The following PLOD1 variants were observed in gnomAD, a reference collection of about 807,000 sequenced individuals.
PLOD1 encodes the protein procollagen-lysine,2-oxoglutarate 5-dioxygenase 1, also known as lysine hydroxylase.
A neutral mutation model predicts 94.7 loss-of-function variants in PLOD1; 70 were observed. The observed-to-expected ratio is 0.74, with a 90% CI of 0.61 to 0.90. PLOD1 has a LOEUF of 0.90. Ranked by LOEUF, PLOD1 falls within the 40% of genes least tolerant of loss-of-function variation. The pLI, the probability that PLOD1 is intolerant of heterozygous loss-of-function variation, is 0.00. For synonymous variants in PLOD1, 417 were observed against 400.2 expected (o/e 1.04, Z -0.50); for missense variants, 905 against 972.7 (o/e 0.93, Z 0.93).
At chr1:11,960,322 CAA>C (rs762870552) in intron 9 of PLOD1, among the ~76,000 whole-genome samples, 14 of 152,320 alleles carry the variant, frequency 9.2e-5, no homozygotes, top group Admixed American at 3.9e-4. Context: ...CATTTTGTAA[CAA>C]AGTGGATCTC....
intron 5 of PLOD1, chr1:11,954,375 A>G (rs1645723671): frequency 2.6e-6 from 1 of 383,250 alleles, no homozygotes; most frequent in African/African-American, 2.1e-5. Flanking sequence ...AGTCCCAGCT[A>G]CTCAGGAGTC....
intron 5 of PLOD1, chr1:11,954,350 G>A: frequency 3.1e-6 from 1 of 324,914 alleles, no homozygotes; most frequent in South Asian, 2.5e-5. Flanking sequence ...GCTGGGTATG[G>A]TGGCACATGC....
At chr1:11,959,205 C>CA (rs1027984272) in intron 9 of PLOD1, among the ~76,000 whole-genome samples, 7 of 149,644 alleles carry the variant, frequency 4.7e-5, no homozygotes, top group African/African-American at 9.8e-5. Flanking sequence ...AACTCCGTCT[C>CA]AAAAAAAATA....
intron 3 of PLOD1, 91 bp from the exon 4 acceptor site, chr1:11,950,266 A>G (rs1645689661): frequency 7.8e-7 from 1 of 1,277,274 alleles, no homozygotes; most frequent in South Asian, 1.2e-5. Flanking sequence ...CCATTTGTGG[A>G]GCACTTGATC....
At chr1:11,954,775 C>A in intron 5 of PLOD1, 55 bp from the exon 6 acceptor site, 1 of 1,333,292 alleles carries the variant, frequency 7.5e-7, no homozygotes, top group Non-Finnish European at 1.1e-6. Flanking sequence ...GAGATGTAGC[C>A]CCAGCCTCCC....
chr1:11,952,768 G>C lies in PLOD1; in HGVS notation c.579+33G>C. ...GCAGTGGGCGGGCCAAGGAGAGGGG[G>C]CTGGGGATCCACCGGCCAGGCTGCA... On this transcript the variant is annotated intron_variant, in intron 5 of 18. Transcript: ENST00000196061. The C allele has an allele frequency of 2.0e-6, 3 of 1,481,524 alleles. No individual in the cohort carries two copies. In the South Asian group the frequency reaches 3.4e-5, roughly 17 times the overall value. The allele number at this position is 1,481,524 out of a possible 1,614,324, so 91.8% of individuals were successfully genotyped here.
rs569417181 is a variant in PLOD1 at position 11,965,423 on chromosome 1, G to C, written c.1471-57G>C. 7.2e-4 allele frequency: 715 copies of C among 997,010 alleles called. 4 individuals carry two copies. The African/African-American group carries it at 9.7e-3, about 14-fold the overall frequency. 61.8% of individuals were successfully genotyped at this position (997,010 alleles called of 1,614,324 possible). A position where few individuals can be genotyped will look rare whatever the true frequency, so the allele number is the denominator to read the frequency against. Reference sequence around the variant, plus strand: ...CCCGTCTGGGAGCGTGCAGGGGAGGGGTGAGGGCAGGGGAGGGGTGGGGGA... The same window carrying C: ...CCCGTCTGGGAGCGTGCAGGGGAGGCGTGAGGGCAGGGGAGGGGTGGGGGA... On this transcript the variant is annotated intron_variant, in intron 13 of 18. Transcript: ENST00000196061.
rs372579008 is a variant in PLOD1 at position 11,970,732 on chromosome 1, C to T, written c.1818C>T (p.Ile606=). ...VPTIDIHMNQ[I]GFEREWHKFL... is the part of the protein sequence containing the mutation. ...CTATTGACATCCACATGAACCAGATCGGCTTTGAGCGGGAGTGGCACAAAT... is the reference window on the plus strand; with the variant it reads ...CTATTGACATCCACATGAACCAGATTGGCTTTGAGCGGGAGTGGCACAAAT... Residue 606 remains isoleucine (I), a synonymous_variant, in exon 17 of 19, where the codon ATC becomes ATT. Coordinates refer to ENST00000196061, the MANE Select transcript of PLOD1 (RefSeq NM_000302.4). 47 of 1,612,414 alleles carry T rather than the reference C, an allele frequency of 2.9e-5. No individual in the cohort carries two copies. Among genetic ancestry groups the T allele is most frequent in the Non-Finnish European group, 3.7e-5 (44 of 1,179,814 alleles).
chr1:11,944,539 G>A (rs750942127), intron 1 of PLOD1: 18 of 1,348,852 alleles, frequency 1.3e-5, no homozygotes, highest in Non-Finnish European at 3.9e-6. Flanking sequence ...TTGCCAAGAG[G>A]GCCTCAGAGC....
chr1:11,946,804 G>A (rs982195236), intron 1 of PLOD1, among the ~76,000 whole-genome samples: 1 of 152,198 alleles, frequency 6.6e-6, no homozygotes, highest in Non-Finnish European at 1.5e-5. Flanking sequence ...ACCCGTGGCT[G>A]GGTGATTTCT....
At chr1:11,943,160 T>G (rs1645626415) in intron 1 of PLOD1, among the ~76,000 whole-genome samples, 1 of 152,142 alleles carries the variant, frequency 6.6e-6, no homozygotes, top group Non-Finnish European at 1.5e-5. Context: ...TAGCTAATTT[T>G]TGTATTTTTA....
intron 17 of PLOD1, 30 bp downstream of exon 17, chr1:11,970,846 C>A: frequency 7.9e-7 from 1 of 1,269,844 alleles, no homozygotes; most frequent in Non-Finnish European, 1.0e-6. Flanking sequence ...AGCCAGGATG[C>A]GGGGACAGTT....
At chr1:11,951,843 C>T (rs1448688444) in intron 4 of PLOD1, among the ~76,000 whole-genome samples, 1 of 151,812 alleles carries the variant, frequency 6.6e-6, no homozygotes, top group East Asian at 1.9e-4. Context: ...GGCATGAACC[C>T]GGGAGGCGGA....
At chr1:11,953,022 G>A (rs371888253) in intron 5 of PLOD1, among the ~76,000 whole-genome samples, 6 of 152,138 alleles carry the variant, frequency 3.9e-5, no homozygotes, top group South Asian at 2.1e-4. Flanking sequence ...AGGGGGTAGG[G>A]AGCTCACTGG....
At chr1:11,944,990 CAAT>C (rs905540238) in intron 1 of PLOD1, among the ~76,000 whole-genome samples, 3 of 152,208 alleles carry the variant, frequency 2.0e-5, no homozygotes, top group African/African-American at 4.8e-5. Flanking sequence ...CCCAGGGAAA[CAAT>C]GATGAGCACT....
chr1:11,952,767 G>T (rs777686412), intron 5 of PLOD1, 32 bp downstream of exon 5: 104 of 1,492,810 alleles, frequency 7.0e-5, no homozygotes, highest in Non-Finnish European at 9.1e-5. Flanking sequence ...AAGGAGAGGG[G>T]GCTGGGGATC....
At chr1:11,949,747 C>G (rs774534534) in intron 2 of PLOD1, 26 bp from the exon 3 acceptor site, 1 of 1,610,610 alleles carries the variant, frequency 6.2e-7, no homozygotes, top group East Asian at 2.2e-5. Context: ...TACCAAAAGC[C>G]CGTGTTAAGG....
At chr1:11,948,345 C>T (rs1205455825) in intron 2 of PLOD1, among the ~76,000 whole-genome samples, 3 of 152,176 alleles carry the variant, frequency 2.0e-5, no homozygotes, top group Non-Finnish European at 4.4e-5. Context: ...GTTTAGAGGA[C>T]AGGGCCTCGG....
intron 16 of PLOD1, among the ~76,000 whole-genome samples, chr1:11,969,284 T>A (rs1156966419): frequency 6.6e-6 from 1 of 152,160 alleles, no homozygotes; most frequent in Non-Finnish European, 1.5e-5. Context: ...CCACCGTGCC[T>A]GGCCTCATTT....
Sources: gnomAD v4.1 joint callset for allele counts (sites outside exome capture counted in the v4.1 genomes callset) on GRCh38, gnomAD v4.1.1 for gene constraint, MANE v1.5 for transcripts, NCBI Gene and HGNC (gene_info 2026-07-23, HGNC 2026-07-21) for gene names.